KDM4C: variants seen among roughly 807,000 people sequenced by gnomAD.
The protein encoded by KDM4C is lysine demethylase 4C.
Under a neutral mutation model 129.3 loss-of-function variants are expected in KDM4C, and 81 were observed. The observed-to-expected ratio is 0.63, with a 90% CI of 0.52 to 0.75. KDM4C has a LOEUF of 0.75. KDM4C is among the 30% of genes least tolerant of loss of function. KDM4C has a pLI of 0.00. For synonymous variants in KDM4C, 573 were observed against 456.1 expected (o/e 1.26, Z -3.26); for missense variants, 1,457 against 1,304.0 (o/e 1.12, Z -1.81).
chr9:7,112,691 C>T (rs2133227685), intron 18 of KDM4C, among the ~76,000 whole-genome samples: 3 of 152,328 alleles, frequency 2.0e-5, no homozygotes, highest in East Asian at 3.9e-4. Flanking sequence ...TCTATCCTTT[C>T]AGTTTCCTTT....
At chr9:7,150,380 C>T (rs548096836) in intron 19 of KDM4C, among the ~76,000 whole-genome samples, 1 of 152,318 alleles carries the variant, frequency 6.6e-6, no homozygotes, top group East Asian at 1.9e-4. Flanking sequence ...AGTTGATGTC[C>T]TGGGAGGGCG....
intron 4 of KDM4C, among the ~76,000 whole-genome samples, chr9:6,849,280 C>A (rs1838400388): frequency 6.6e-6 from 1 of 152,190 alleles, no homozygotes; most frequent in African/African-American, 2.4e-5. Flanking sequence ...GTATAAATTT[C>A]TACCAGATAG....
intron 8 of KDM4C, among the ~76,000 whole-genome samples, chr9:6,974,583 C>G (rs932919626): frequency 6.6e-6 from 1 of 152,184 alleles, no homozygotes; most frequent in South Asian, 2.1e-4. Context: ...GTCTCAAACT[C>G]CTGACCTCAG....
In KDM4C at chr9:7,001,287, T is replaced by G. The variant is rs377054416; in HGVS notation, c.1787-10411T>G. On this transcript the variant is annotated intron_variant, in intron 12 of 21. Transcript: ENST00000381309. ...TGTTGTGCTTTAAAAACTAGAAACTTAAGGAGGAATGATTGGCTATGATAT... is the reference window on the plus strand; with the variant it reads ...TGTTGTGCTTTAAAAACTAGAAACTGAAGGAGGAATGATTGGCTATGATAT... Among the ~76,000 whole-genome samples, 122 of 152,314 alleles carry G rather than the reference T, an allele frequency of 8.0e-4. 1 individual carries two copies. Among genetic ancestry groups the G allele is most frequent in the African/African-American group, 2.8e-3 (116 of 41,556 alleles).
At chr9:6,799,977 C>CT (rs1322500009) in intron 2 of KDM4C, among the ~76,000 whole-genome samples, 1 of 151,822 alleles carries the variant, frequency 6.6e-6, no homozygotes, top group African/African-American at 2.4e-5. Flanking sequence ...AGTCCCAGCA[C>CT]TTTGGGAGGC....
intron 11 of KDM4C, among the ~76,000 whole-genome samples, chr9:6,988,659 TCCATCCATCCATC>T (rs1563940550): frequency 1.7e-4 from 25 of 150,330 alleles, no homozygotes; most frequent in East Asian, 3.9e-4. Flanking sequence ...TTTAAAGCCA[TCCATCCATCCATC>T]CATCCATCCA....
chr9:6,934,783 C>G (rs531621494), intron 8 of KDM4C, among the ~76,000 whole-genome samples: 13 of 152,006 alleles, frequency 8.6e-5, no homozygotes, highest in Admixed American at 7.9e-4. Flanking sequence ...TCATTGAGAA[C>G]TTTAATTGGA....
At chr9:7,137,014 AC>A (rs1426026178) in intron 19 of KDM4C, among the ~76,000 whole-genome samples, 1 of 152,074 alleles carries the variant, frequency 6.6e-6, no homozygotes, top group Non-Finnish European at 1.5e-5. Flanking sequence ...TAAATCAGAA[AC>A]CTCTCTTTCT....
At chr9:6,817,195 G>GCT (rs1832263877) in intron 4 of KDM4C, among the ~76,000 whole-genome samples, 1 of 53,252 alleles carries the variant, frequency 1.9e-5, no homozygotes, top group Non-Finnish European at 3.2e-5. Context: ...CCCTCCCCCT[G>GCT]CCCCCCCCCC....
chr9:6,789,889 C>A (rs1184018691), intron 1 of KDM4C, among the ~76,000 whole-genome samples: 1 of 151,934 alleles, frequency 6.6e-6, no homozygotes, highest in African/African-American at 2.4e-5. Flanking sequence ...ATTATTTTCT[C>A]CTTTGGATTG....
intron 17 of KDM4C, among the ~76,000 whole-genome samples, chr9:7,091,321 G>A (rs201024538): frequency 1.3e-5 from 2 of 149,720 alleles, no homozygotes; most frequent in Non-Finnish European, 1.5e-5. Context: ...GGCAATAAAA[G>A]AAAAAAAAAA....
intron 17 of KDM4C, among the ~76,000 whole-genome samples, chr9:7,071,447 A>G (rs548411305): frequency 2.0e-5 from 3 of 152,220 alleles, no homozygotes; most frequent in Non-Finnish European, 2.9e-5. Flanking sequence ...GACATATGTA[A>G]CAATAGAAAA....
intron 17 of KDM4C, among the ~76,000 whole-genome samples, chr9:7,060,462 TA>T: frequency 2.2e-5 from 2 of 90,534 alleles, no homozygotes; most frequent in South Asian, 5.5e-4. Context: ...TTGTTATTAT[TA>T]TTATTATTAT....
chr9:6,917,321 G>C (rs937660379), intron 8 of KDM4C, among the ~76,000 whole-genome samples: 1 of 152,156 alleles, frequency 6.6e-6, no homozygotes, highest in Non-Finnish European at 1.5e-5. Flanking sequence ...CCAAACTGTA[G>C]CATGCACTTG....
intron 5 of KDM4C, among the ~76,000 whole-genome samples, chr9:6,852,264 TTC>T (rs1838984543): frequency 1.3e-5 from 2 of 152,188 alleles, no homozygotes; most frequent in African/African-American, 2.4e-5. Flanking sequence ...GCAACACAAA[TTC>T]ATGGAAGTAT....
At chr9:6,948,425 G>C (rs1485790213) in intron 8 of KDM4C, among the ~76,000 whole-genome samples, 2 of 129,792 alleles carry the variant, frequency 1.5e-5, no homozygotes, top group Admixed American at 7.0e-5. Context: ...AAGGCAAATA[G>C]TATTGACATG....
At chr9:6,732,322 G>A (rs1453264983) in intron 1 of KDM4C, among the ~76,000 whole-genome samples, 1 of 122,748 alleles carries the variant, frequency 8.1e-6, no homozygotes, top group Non-Finnish European at 1.6e-5. Context: ...CTGAGATCAT[G>A]CCACTGCACT....
intron 1 of KDM4C, among the ~76,000 whole-genome samples, chr9:6,735,422 C>G (rs965371112): frequency 1.3e-5 from 2 of 152,206 alleles, no homozygotes; most frequent in Non-Finnish European, 2.9e-5. Flanking sequence ...TGTCCCCACC[C>G]AAATCTCATC....
chr9:6,805,092 G>A (rs1829721018), intron 2 of KDM4C, among the ~76,000 whole-genome samples: 1 of 152,068 alleles, frequency 6.6e-6, no homozygotes, highest in Non-Finnish European at 1.5e-5. Flanking sequence ...GTAGAGGCGG[G>A]GTTTCACCAT....
Sources: allele counts gnomAD v4.1 joint callset (sites outside exome capture counted in the v4.1 genomes callset), GRCh38; gene constraint gnomAD v4.1.1; transcripts MANE v1.5; gene names NCBI Gene and HGNC (gene_info 2026-07-23, HGNC 2026-07-21).